Variants in C8orf34 observed in about 807,000 individuals in gnomAD.
C8orf34 encodes the protein chromosome 8 open reading frame 34.
In C8orf34, 65 loss-of-function variants were observed where a neutral mutation model predicts 68.3. The observed-to-expected ratio is 0.95, with a 90% CI of 0.78 to 1.17. C8orf34 has a LOEUF of 1.17. Among genes scored for constraint, C8orf34 ranks in the 50% most tolerant of loss-of-function variants. The probability of loss-of-function intolerance (pLI) is 0.00; values close to 1 mark genes in which losing one functional copy is unlikely to be tolerated. For synonymous variants in C8orf34, 244 were observed against 241.2 expected, an observed-to-expected ratio of 1.01 and a Z score of -0.11; for missense variants, 664 against 655.4, an observed-to-expected ratio of 1.01 and a Z score of -0.14.
intron 1 of C8orf34, among the ~76,000 whole-genome samples, chr8:68,406,380 T>A (rs1258314567): frequency 6.6e-6 from 1 of 152,102 alleles, no homozygotes; most frequent in Non-Finnish European, 1.5e-5. Context: ...TTGGGAGAGA[T>A]AAGAGGCATT....
Position 68,391,915 on chromosome 8 carries a change from A to G in C8orf34, c.328-47584A>G, listed in dbSNP as rs11995813. 9.0e-3 allele frequency among the ~76,000 whole-genome samples: 1,364 copies of G among 152,230 alleles called. 24 individuals are homozygous for G. The highest frequency in any genetic ancestry group is 0.031 in the African/African-American group (1,278 of 41,534). On this transcript the variant is annotated intron_variant, in intron 1 of 13. Transcript: ENST00000518698. ...TCACTCAGACATTTAAGGAACTGGG[A>G]AAATGCAATTCCACCACATGCCCAG...
chr8:68,444,563 CTCT>C (rs999228783), intron 2 of C8orf34, among the ~76,000 whole-genome samples: 1 of 152,028 alleles, frequency 6.6e-6, no homozygotes, highest in East Asian at 1.9e-4. Context: ...TGTAGGTGGA[CTCT>C]TCTTTGTTCT....
Position 68,505,655 on chromosome 8 carries a change from C to T in C8orf34, c.766-16144C>T, listed in dbSNP as rs569358795. 8.8e-5 allele frequency among the ~76,000 whole-genome samples: 9 copies of T among 102,210 alleles called. 2 individuals carry two copies. Among genetic ancestry groups the T allele is most frequent in the South Asian group, 7.9e-4 (3 of 3,782 alleles). 67.1% of individuals were successfully genotyped at this position (102,210 alleles called of 152,430 possible). ...CTGAGGCAGGAGAATGGCGTGAACC[C>T]GGGAAGCGGAGCTTGCCGTGAGCCG... is the stretch of plus-strand genomic sequence containing the variant. On this transcript the variant is annotated intron_variant, in intron 5 of 13. Transcript: ENST00000518698.
chr8:68,411,177 A>G (rs949163614), intron 1 of C8orf34, among the ~76,000 whole-genome samples: 1 of 152,182 alleles, frequency 6.6e-6, no homozygotes, highest in Non-Finnish European at 1.5e-5. Context: ...CAATGTATAT[A>G]TGTGTAAGAT....
At chr8:68,788,204 T>C (rs1041442193) in intron 12 of C8orf34, among the ~76,000 whole-genome samples, 3 of 152,214 alleles carry the variant, frequency 2.0e-5, no homozygotes, top group African/African-American at 7.2e-5. Context: ...ATAACAATTG[T>C]ATGTGATAAT....
chr8:68,465,733 T>A (rs891198116), intron 3 of C8orf34, among the ~76,000 whole-genome samples: 23 of 147,692 alleles, frequency 1.6e-4, no homozygotes, highest in Non-Finnish European at 1.5e-5. Flanking sequence ...TTCTCACTCA[T>A]AGGTGGGAAT....
At chr8:68,672,125 T>G (rs1181931311) in intron 8 of C8orf34, among the ~76,000 whole-genome samples, 1 of 152,172 alleles carries the variant, frequency 6.6e-6, no homozygotes, top group East Asian at 1.9e-4. Flanking sequence ...ATACTATGAC[T>G]GCTGAAACAA....
intron 10 of C8orf34, among the ~76,000 whole-genome samples, chr8:68,723,975 A>C (rs1251474610): frequency 6.6e-6 from 1 of 152,130 alleles, no homozygotes; most frequent in East Asian, 1.9e-4. Context: ...TTTGCATTAA[A>C]AATTATCCAA....
At chr8:68,395,240 G>GT (rs375009504) in intron 1 of C8orf34, among the ~76,000 whole-genome samples, 318 of 148,528 alleles carry the variant, frequency 2.1e-3, no homozygotes, top group African/African-American at 6.8e-3. Context: ...TAGAACAAGG[G>GT]TTTTTTTTTT....
intron 4 of C8orf34, among the ~76,000 whole-genome samples, chr8:68,487,314 G>GAGGAC (rs1362015195): frequency 3.3e-5 from 5 of 152,170 alleles, no homozygotes; most frequent in African/African-American, 1.2e-4. Context: ...ACAGAAAAGA[G>GAGGAC]AGGACAGCAT....
At chr8:68,798,956 G>A (rs994317680) in intron 12 of C8orf34, among the ~76,000 whole-genome samples, 1 of 152,156 alleles carries the variant, frequency 6.6e-6, no homozygotes, top group African/African-American at 2.4e-5. Context: ...ACATGCTTCA[G>A]ACTACCTGCT....
chr8:68,330,673 T>C (rs1289487092), upstream of C8orf34: 5 of 251,678 alleles, frequency 2.0e-5, no homozygotes, highest in East Asian at 2.5e-4. Context: ...ACCTTCACCA[T>C]TGGCTTTTTA....
chr8:68,543,703 C>A (rs948760227), intron 7 of C8orf34, among the ~76,000 whole-genome samples: 1 of 152,114 alleles, frequency 6.6e-6, no homozygotes, highest in African/African-American at 2.4e-5. Flanking sequence ...AATCCAAATT[C>A]ATATTAATAT....
intron 7 of C8orf34, among the ~76,000 whole-genome samples, chr8:68,614,288 G>C (rs1429502956): frequency 2.0e-5 from 3 of 152,072 alleles, no homozygotes; most frequent in African/African-American, 7.2e-5. Context: ...AAGCTCTTTA[G>C]TTTAATTAGA....
At chr8:68,640,160 A>G (rs1818961652) in intron 7 of C8orf34, among the ~76,000 whole-genome samples, 1 of 152,160 alleles carries the variant, frequency 6.6e-6, no homozygotes, top group South Asian at 2.1e-4. Flanking sequence ...TCAGTCTGTC[A>G]CCGTTTTGTC....
intron 8 of C8orf34, among the ~76,000 whole-genome samples, chr8:68,671,295 A>G (rs1820000177): frequency 1.3e-5 from 2 of 152,228 alleles, no homozygotes; most frequent in South Asian, 4.1e-4. Context: ...AAATATGAGC[A>G]TATTCTGGAT....
intron 1 of C8orf34, among the ~76,000 whole-genome samples, chr8:68,367,806 G>T (rs541727481): frequency 7.4e-6 from 1 of 135,856 alleles, no homozygotes; most frequent in African/African-American, 2.8e-5. Context: ...GCTAGATGAC[G>T]AGTTAGTGGG....
intron 6 of C8orf34, among the ~76,000 whole-genome samples, chr8:68,532,026 T>C (rs1297706647): frequency 2.6e-5 from 4 of 152,036 alleles, no homozygotes; most frequent in African/African-American, 9.7e-5. Flanking sequence ...CGATTCTCAC[T>C]GGCAATACAT....
chr8:68,658,109 A>C (rs1819561759), intron 8 of C8orf34, among the ~76,000 whole-genome samples: 1 of 152,148 alleles, frequency 6.6e-6, no homozygotes, highest in Non-Finnish European at 1.5e-5. Context: ...AACAATATCA[A>C]ATCACTTTTC....
Sources: allele counts gnomAD v4.1 joint callset (sites outside exome capture counted in the v4.1 genomes callset), GRCh38; gene constraint gnomAD v4.1.1; transcripts MANE v1.5; gene names NCBI Gene and HGNC (gene_info 2026-07-23, HGNC 2026-07-21).